The following RBFOX2 variants were observed in gnomAD, a reference collection of about 807,000 sequenced individuals.
RBFOX2 encodes the protein RNA binding fox-1 homolog 2.
A neutral mutation model predicts 49.1 loss-of-function variants in RBFOX2; 10 were observed. The ratio of observed to expected loss-of-function variants is 0.20; its 90% CI spans 0.13 to 0.35. RBFOX2 has a LOEUF of 0.35. Ranked by LOEUF, RBFOX2 falls within the 10% of genes least tolerant of loss-of-function variation. The pLI, the probability that RBFOX2 is intolerant of heterozygous loss-of-function variation, is 1.00. For synonymous variants in RBFOX2, 183 were observed against 187.4 expected (o/e 0.98, Z 0.19); for missense variants, 323 against 486.9 (o/e 0.66, Z 3.17).
chr22:35,796,481 C>A (rs1246656138), intron 2 of RBFOX2, among the ~76,000 whole-genome samples: 2 of 152,070 alleles, frequency 1.3e-5, no homozygotes, highest in East Asian at 1.9e-4. Context: ...AAAATCTGGC[C>A]TCACAGATAG....
At chr22:35,837,772 G>T (rs1957954575) in intron 1 of RBFOX2, among the ~76,000 whole-genome samples, 1 of 152,208 alleles carries the variant, frequency 6.6e-6, no homozygotes. Flanking sequence ...AGCACATCCT[G>T]ATAAAACAGG....
At chr22:36,016,937 G>A (rs913248013) in intron 1 of RBFOX2, among the ~76,000 whole-genome samples, 2 of 152,136 alleles carry the variant, frequency 1.3e-5, no homozygotes, top group African/African-American at 4.8e-5. Flanking sequence ...ATTTAGAATA[G>A]AAAAGGCCAG....
At chr22:35,881,966 A>G (rs966511683) in intron 1 of RBFOX2, among the ~76,000 whole-genome samples, 5 of 152,066 alleles carry the variant, frequency 3.3e-5, no homozygotes, top group African/African-American at 1.2e-4. Context: ...CTCAAAAGAA[A>G]AAAAGAAAAG....
At chr22:36,008,415 T>C (rs1190115648) in intron 1 of RBFOX2, among the ~76,000 whole-genome samples, 4 of 152,158 alleles carry the variant, frequency 2.6e-5, no homozygotes, top group Non-Finnish European at 5.9e-5. Context: ...CCAAAGTGTT[T>C]AAAATGTTAG....
intron 1 of RBFOX2, among the ~76,000 whole-genome samples, chr22:35,854,081 G>A (rs1728248366): frequency 6.6e-6 from 1 of 151,998 alleles, no homozygotes; most frequent in African/African-American, 2.4e-5. Context: ...GCATGGTGGT[G>A]CATGACTGTA....
At chr22:36,028,526 GC>G (rs1221591662) in exon 1 of RBFOX2, 5 of 975,660 alleles carry the variant, frequency 5.1e-6, no homozygotes, top group East Asian at 2.1e-4. Flanking sequence ...GCGCGCGCCT[GC>G]CCCCGCCCCC....
chr22:36,000,996 CAAAACTA>C (rs747596490), intron 1 of RBFOX2, among the ~76,000 whole-genome samples: 1 of 152,008 alleles, frequency 6.6e-6, no homozygotes, highest in Non-Finnish European at 1.5e-5. Flanking sequence ...CACAAAGTCA[CAAAACTA>C]ATAAATGATA....
chr22:35,925,733 C>G (rs150187146), intron 1 of RBFOX2, among the ~76,000 whole-genome samples: 2 of 152,292 alleles, frequency 1.3e-5, no homozygotes, highest in Admixed American at 1.3e-4. Context: ...CTACCCCACC[C>G]CACAGTGTGG....
At chr22:35,810,363 T>C (rs1195425355) in intron 1 of RBFOX2, among the ~76,000 whole-genome samples, 2 of 152,016 alleles carry the variant, frequency 1.3e-5, no homozygotes, top group Non-Finnish European at 1.5e-5. Flanking sequence ...CTACAGCCTA[T>C]ACCACAGAGA....
At chr22:36,028,421 G>A in exon 1 of RBFOX2, 14 of 1,220,304 alleles carry the variant, frequency 1.1e-5, no homozygotes, top group Non-Finnish European at 1.4e-5. Context: ...GGCGCCCTCC[G>A]CCATCCGCCC....
intron 8 of RBFOX2, 147 bp from the exon 10 acceptor site, chr22:35,760,167 G>A (rs768176132): frequency 2.2e-5 from 22 of 1,012,652 alleles, no homozygotes; most frequent in Middle Eastern, 3.2e-4. Flanking sequence ...TTCAATAAAC[G>A]TTCTACCCTG....
At chr22:35,897,056 C>G (rs1439990600) in intron 1 of RBFOX2, among the ~76,000 whole-genome samples, 1 of 152,170 alleles carries the variant, frequency 6.6e-6, no homozygotes, top group African/African-American at 2.4e-5. Flanking sequence ...TAAAATTACA[C>G]TGATAAGAGA....
intron 1 of RBFOX2, among the ~76,000 whole-genome samples, chr22:35,947,343 C>T (rs141259002): frequency 2.6e-5 from 4 of 152,194 alleles, no homozygotes; most frequent in East Asian, 3.9e-4. Flanking sequence ...CTAGCGCATA[C>T]AACAATGTAC....
intron 2 of RBFOX2, among the ~76,000 whole-genome samples, chr22:35,806,623 A>G (rs1950789797): frequency 1.3e-5 from 2 of 152,362 alleles, no homozygotes; most frequent in South Asian, 4.1e-4. Flanking sequence ...TACAAAAATT[A>G]TTTAACAGGA....
chr22:35,769,918 C>T (rs906568914), intron 4 of RBFOX2, among the ~76,000 whole-genome samples: 4 of 152,046 alleles, frequency 2.6e-5, no homozygotes, highest in African/African-American at 9.7e-5. Context: ...ATCACAAATA[C>T]CCTTGAAAGC....
intron 1 of RBFOX2, among the ~76,000 whole-genome samples, chr22:35,909,697 C>T (rs556066368): frequency 3.3e-5 from 5 of 152,294 alleles, no homozygotes; most frequent in Non-Finnish European, 5.9e-5. Flanking sequence ...CTGCAACCTC[C>T]GCTTCCCGGA....
chr22:35,905,497 T>C (rs2049027764), intron 1 of RBFOX2, among the ~76,000 whole-genome samples: 1 of 152,202 alleles, frequency 6.6e-6, no homozygotes, highest in Admixed American at 6.5e-5. Context: ...TTTAGAAGGA[T>C]TTATTTCTGA....
At chr22:35,823,716 T>A (rs1933816784) in intron 1 of RBFOX2, among the ~76,000 whole-genome samples, 1 of 152,198 alleles carries the variant, frequency 6.6e-6, no homozygotes. Flanking sequence ...ACTCGAAGAT[T>A]TATTAAAAGA....
intron 1 of RBFOX2, among the ~76,000 whole-genome samples, chr22:35,957,844 C>T (rs1315377065): frequency 6.6e-6 from 1 of 152,214 alleles, no homozygotes; most frequent in Non-Finnish European, 1.5e-5. Context: ...TATGTGAATA[C>T]TCATTATGAC....
Sources: gnomAD v4.1 joint callset for allele counts (sites outside exome capture counted in the v4.1 genomes callset) on GRCh38, gnomAD v4.1.1 for gene constraint, MANE v1.5 for transcripts, NCBI Gene and HGNC (gene_info 2026-07-23, HGNC 2026-07-21) for gene names.